Variants in ARPP21 observed in about 807,000 individuals in gnomAD.
The protein encoded by ARPP21 is cAMP regulated phosphoprotein 21, also known as cAMP-regulated phosphoprotein 21.
In ARPP21, 69 loss-of-function variants were observed where a neutral mutation model predicts 113.2. The observed-to-expected ratio is 0.61, with a 90% confidence interval of 0.50 to 0.74. The LOEUF is 0.74. Ranked by LOEUF, ARPP21 falls within the 30% of genes least tolerant of loss-of-function variation. The pLI, the probability that ARPP21 is intolerant of heterozygous loss-of-function variation, is 0.00. For missense variants in ARPP21, 1,070 were observed against 1,037.4 expected (o/e 1.03, Z -0.43); for synonymous variants, 368 against 375.5 (o/e 0.98, Z 0.23).
intron 11 of ARPP21, 107 bp from the exon 12 acceptor site, chr3:35,715,332 A>T: frequency 5.8e-6 from 5 of 867,182 alleles, no homozygotes; most frequent in Non-Finnish European, 9.4e-6. Flanking sequence ...ATTTTTCTTA[A>T]TTCTTTTCCC....
chr3:35,742,429 CAA>C (rs1178063480), intron 18 of ARPP21, among the ~76,000 whole-genome samples: 1 of 151,998 alleles, frequency 6.6e-6, no homozygotes, highest in African/African-American at 2.4e-5. Context: ...AACTGCCTGA[CAA>C]AAAAGAGAGA....
chr3:35,735,032 C>G (rs1483455981), intron 15 of ARPP21, among the ~76,000 whole-genome samples: 2 of 152,170 alleles, frequency 1.3e-5, no homozygotes, highest in African/African-American at 4.8e-5. Flanking sequence ...ACAGTCTGTT[C>G]TTGTATGAAT....
In ARPP21 at chr3:35,683,756, A is replaced by G; in HGVS notation, c.202A>G (p.Ser68Gly). The part of the protein sequence containing the change: ...SGAGKGKLTR[S>G]LAVCEESSAR... Reference sequence around the variant, plus strand: ...AGCAGGAAAAGGTAAACTGACTCGCAGCCTTGCTGTCTGTGAGGAATCTTC... The same window carrying G: ...AGCAGGAAAAGGTAAACTGACTCGCGGCCTTGCTGTCTGTGAGGAATCTTC... Residue 68 changes from serine to glycine, a missense_variant, in exon 5 of 21, where the codon AGC becomes GGC. Ser to Gly is a moderately conservative substitution (Grantham distance 56). Transcript: ENST00000684406. 6.6e-7 allele frequency: 1 copy of G among 1,507,206 alleles called. No homozygotes were observed. The highest frequency in any genetic ancestry group is 9.2e-7 in the Non-Finnish European group (1 of 1,085,006). The allele number at this position is 1,507,206 out of a possible 1,614,324, so 93.4% of individuals were successfully genotyped here. A position where few individuals can be genotyped will look rare whatever the true frequency, so the allele number is the denominator to read the frequency against.
Position 35,690,118 on chromosome 3 carries a change from A to G in ARPP21, c.523A>G (p.Ile175Val), listed in dbSNP as rs1575852642. 3.2e-5 allele frequency: 47 copies of G among 1,483,072 alleles called. No homozygotes were observed. Among genetic ancestry groups the G allele is most frequent in the Non-Finnish European group, 4.4e-5 (47 of 1,062,110 alleles). The allele number at this position is 1,483,072 out of a possible 1,614,324, so 91.9% of individuals were successfully genotyped here. ...ACTTTTGAAAATGGAGCAGGAAATTATTGATTTCATTGCTGACAACAAGTA... is the reference window on the plus strand; with the variant it reads ...ACTTTTGAAAATGGAGCAGGAAATTGTTGATTTCATTGCTGACAACAAGTA... ...MILLKMEQEI[I>V]DFIADNNNHY... Residue 175 changes from isoleucine to valine, a missense_variant, in exon 8 of 21, where the codon ATT becomes GTT. By Grantham distance (29) the Ile-to-Val change is conservative. Transcript: ENST00000684406.
chr3:35,652,737 A>G (rs1476594146), intron 1 of ARPP21, among the ~76,000 whole-genome samples: 3 of 152,066 alleles, frequency 2.0e-5, no homozygotes, highest in Non-Finnish European at 2.9e-5. Flanking sequence ...GGTAAAGAAG[A>G]TCTACATGAA....
intron 15 of ARPP21, among the ~76,000 whole-genome samples, chr3:35,734,913 C>T (rs1187355826): frequency 2.6e-5 from 4 of 152,168 alleles, no homozygotes; most frequent in Admixed American, 6.5e-5. Context: ...CAGAATGAGA[C>T]CTAGAGTATA....
intron 19 of ARPP21, among the ~76,000 whole-genome samples, chr3:35,769,736 A>G (rs2096127606): frequency 6.6e-6 from 1 of 152,140 alleles, no homozygotes; most frequent in African/African-American, 2.4e-5. Flanking sequence ...CCTTTTGATG[A>G]TAATTTGGAG....
At chr3:35,643,736 T>C (rs566637196) in intron 1 of ARPP21, 4 of 152,152 alleles carry the variant, frequency 2.6e-5, no homozygotes, top group Admixed American at 2.6e-4. Context: ...TATAAGTCAG[T>C]TTAATTCAGA....
chr3:35,759,991 A>G, intron 19 of ARPP21, among the ~76,000 whole-genome samples: 1 of 152,020 alleles, frequency 6.6e-6, no homozygotes, highest in East Asian at 1.9e-4. Context: ...TGTTCTTCCC[A>G]TGTCGAGCCA....
intron 1 of ARPP21, among the ~76,000 whole-genome samples, chr3:35,674,494 G>T (rs1224174155): frequency 6.6e-6 from 1 of 151,784 alleles, no homozygotes; most frequent in Non-Finnish European, 1.5e-5. Flanking sequence ...CACCAATATG[G>T]ATTGTAATTA....
chr3:35,785,785 AGGTAG>A (rs747767267), intron 19 of ARPP21, among the ~76,000 whole-genome samples: 5 of 152,306 alleles, frequency 3.3e-5, no homozygotes, highest in Admixed American at 6.5e-5. Context: ...GGTTCCACTT[AGGTAG>A]GGCCTGTCAC....
chr3:35,706,471 G>C (rs890996476), intron 9 of ARPP21, among the ~76,000 whole-genome samples: 9 of 152,128 alleles, frequency 5.9e-5, no homozygotes, highest in African/African-American at 2.2e-4. Context: ...CAGAGCTTTC[G>C]TTATTGGAGG....
intron 4 of ARPP21, among the ~76,000 whole-genome samples, chr3:35,683,222 TACAAA>T (rs982359190): frequency 1.3e-4 from 20 of 151,742 alleles, no homozygotes; most frequent in Non-Finnish European, 2.5e-4. Flanking sequence ...GACAGTATTT[TACAAA>T]ACAAATGACC....
At chr3:35,723,855 A>G (rs1456977247) in intron 14 of ARPP21, among the ~76,000 whole-genome samples, 1 of 152,224 alleles carries the variant, frequency 6.6e-6, no homozygotes, top group Non-Finnish European at 1.5e-5. Flanking sequence ...AAGTGCAGGC[A>G]TGGGAAGGGA....
At chr3:35,772,770 A>G (rs1043620679) in intron 19 of ARPP21, among the ~76,000 whole-genome samples, 8 of 152,170 alleles carry the variant, frequency 5.3e-5, no homozygotes, top group African/African-American at 1.7e-4. Flanking sequence ...TTAGTTGCAA[A>G]TAAATGAAAG....
intron 1 of ARPP21, among the ~76,000 whole-genome samples, chr3:35,643,104 T>G (rs1371226131): frequency 6.6e-6 from 1 of 151,536 alleles, no homozygotes; most frequent in Non-Finnish European, 1.5e-5. Flanking sequence ...AGTGAGAATG[T>G]TCAATCAGAA....
In ARPP21 at chr3:35,664,126, C is replaced by T. The variant is rs561336284; in HGVS notation, c.-212-15661C>T. On this transcript the variant is annotated intron_variant, in intron 1 of 20. Coordinates refer to ENST00000684406, the MANE Select transcript of ARPP21 (RefSeq NM_001385562.1). ...GCAATGTTTGAAATCTTAATAGAAC[C>T]CTGTGACTTGAACACCTAAACTATT... Among the ~76,000 whole-genome samples, 6 of 152,162 alleles carry T rather than the reference C, an allele frequency of 3.9e-5. No homozygotes were observed. In the South Asian group the frequency reaches 1.2e-3, roughly 32 times the overall value.
intron 14 of ARPP21, among the ~76,000 whole-genome samples, chr3:35,727,620 C>T (rs1290981039): frequency 6.6e-6 from 1 of 152,164 alleles, no homozygotes; most frequent in Non-Finnish European, 1.5e-5. Flanking sequence ...TTTAATAATA[C>T]ATAAGAATGC....
At chr3:35,755,522 A>C (rs1337321461) in intron 19 of ARPP21, among the ~76,000 whole-genome samples, 1 of 152,030 alleles carries the variant, frequency 6.6e-6, no homozygotes, top group Non-Finnish European at 1.5e-5. Context: ...TATTCTGCAC[A>C]TGTCTCTCCA....
Sources: gnomAD v4.1 joint callset for allele counts (sites outside exome capture counted in the v4.1 genomes callset) on GRCh38, gnomAD v4.1.1 for gene constraint, MANE v1.5 for transcripts, NCBI Gene and HGNC (gene_info 2026-07-23, HGNC 2026-07-21) for gene names.